Variants in GRM1 observed in about 807,000 individuals in gnomAD.
GRM1 encodes glutamate metabotropic receptor 1.
In GRM1, 33 loss-of-function variants were observed where a neutral mutation model predicts 90.9. The observed-to-expected ratio is 0.36, with a 90% CI of 0.28 to 0.49. The LOEUF (loss-of-function observed/expected upper bound fraction) is 0.49, where lower values mean the gene tolerates loss of function less well. Ranked by LOEUF, GRM1 falls within the 20% of genes least tolerant of loss-of-function variation. The probability of loss-of-function intolerance (pLI) is 0.99; values close to 1 mark genes in which losing one functional copy is unlikely to be tolerated. For missense variants in GRM1, 1,190 were observed against 1,534.3 expected, an observed-to-expected ratio of 0.78 and a Z score of 3.75; for synonymous variants, 700 against 613.2, an observed-to-expected ratio of 1.14 and a Z score of -2.09.
At chr6:146,186,813 T>C (rs1445107072) in intron 2 of GRM1, among the ~76,000 whole-genome samples, 1 of 152,258 alleles carries the variant, frequency 6.6e-6, no homozygotes, top group Admixed American at 6.5e-5. Flanking sequence ...GTTTATTTGC[T>C]GTTCGCACTA....
At chr6:146,408,270 A>G (rs1777426437) in intron 7 of GRM1, among the ~76,000 whole-genome samples, 1 of 152,158 alleles carries the variant, frequency 6.6e-6, no homozygotes. Flanking sequence ...ATACTCTCAC[A>G]TTGGGAGATT....
intron 1 of GRM1, among the ~76,000 whole-genome samples, chr6:146,143,836 G>A (rs1234327233): frequency 1.3e-5 from 2 of 152,174 alleles, no homozygotes; most frequent in African/African-American, 4.8e-5. Context: ...ATCACCAAAT[G>A]CTTATGCTAT....
At chr6:146,429,212 A>G (rs1472004804) in intron 7 of GRM1, among the ~76,000 whole-genome samples, 1 of 152,238 alleles carries the variant, frequency 6.6e-6, no homozygotes, top group East Asian at 1.9e-4. Flanking sequence ...TCACAATGCC[A>G]TTTAAGATGT....
chr6:146,408,279 T>A (rs1048684886), intron 7 of GRM1, among the ~76,000 whole-genome samples: 1 of 152,152 alleles, frequency 6.6e-6, no homozygotes, highest in Non-Finnish European at 1.5e-5. Flanking sequence ...CATTGGGAGA[T>A]TTTAACATAT....
intron 1 of GRM1, among the ~76,000 whole-genome samples, chr6:146,048,292 C>T (rs988479519): frequency 1.3e-5 from 2 of 151,866 alleles, no homozygotes; most frequent in African/African-American, 4.8e-5. Context: ...TCATGTTTCT[C>T]TAGGAAGGAC....
intron 2 of GRM1, among the ~76,000 whole-genome samples, chr6:146,167,453 T>C (rs945353198): frequency 2.0e-5 from 3 of 152,160 alleles, no homozygotes; most frequent in Non-Finnish European, 4.4e-5. Context: ...TGTCAATTAC[T>C]GTATAAGAAA....
At chr6:146,112,866 G>T (rs938886798) in intron 1 of GRM1, among the ~76,000 whole-genome samples, 1 of 152,066 alleles carries the variant, frequency 6.6e-6, no homozygotes, top group Admixed American at 6.6e-5. Context: ...ATTAATAGGT[G>T]CACTAGCTTG....
At chr6:146,377,574 G>A (rs1776150924) in intron 5 of GRM1, among the ~76,000 whole-genome samples, 1 of 152,138 alleles carries the variant, frequency 6.6e-6, no homozygotes, top group African/African-American at 2.4e-5. Context: ...ATAAAAGTTT[G>A]GAAGATTTGC....
At chr6:146,251,875 C>G (rs1045121895) in intron 2 of GRM1, among the ~76,000 whole-genome samples, 2 of 152,160 alleles carry the variant, frequency 1.3e-5, no homozygotes, top group African/African-American at 4.8e-5. Context: ...TACCAGGATG[C>G]CTTTGACATT....
At chr6:146,184,317 A>C (rs1778647534) in intron 2 of GRM1, among the ~76,000 whole-genome samples, 1 of 152,118 alleles carries the variant, frequency 6.6e-6, no homozygotes, top group Non-Finnish European at 1.5e-5. Flanking sequence ...CAACTTCCCA[A>C]ACATGTTTAT....
intron 3 of GRM1, among the ~76,000 whole-genome samples, chr6:146,307,548 A>G (rs1320764588): frequency 6.6e-6 from 1 of 152,198 alleles, no homozygotes; most frequent in Admixed American, 6.5e-5. Context: ...AGAACAATAA[A>G]CTTTCACTTC....
upstream of GRM1, among the ~76,000 whole-genome samples, chr6:146,028,427 A>C (rs556487394): frequency 3.9e-5 from 6 of 152,114 alleles, no homozygotes; most frequent in East Asian, 9.8e-4. Context: ...GGCAGGGCTC[A>C]GGCTGCCGCG....
At chr6:146,283,139 G>T (rs774995936) in intron 2 of GRM1, among the ~76,000 whole-genome samples, 1 of 152,206 alleles carries the variant, frequency 6.6e-6, no homozygotes, top group Non-Finnish European at 1.5e-5. Context: ...TGAGCCCAAT[G>T]CATAGCAAGT....
At chr6:146,382,579 A>G (rs1220142003) in intron 5 of GRM1, among the ~76,000 whole-genome samples, 1 of 152,140 alleles carries the variant, frequency 6.6e-6, no homozygotes, top group Non-Finnish European at 1.5e-5. Flanking sequence ...AATAGAAGGT[A>G]ATATGCATTT....
At chr6:146,107,002 A>G (rs1295063670) in intron 1 of GRM1, among the ~76,000 whole-genome samples, 1 of 152,202 alleles carries the variant, frequency 6.6e-6, no homozygotes, top group Non-Finnish European at 1.5e-5. Context: ...GTAGCATTTG[A>G]CAATAGGATT....
intron 2 of GRM1, among the ~76,000 whole-genome samples, chr6:146,189,976 A>G (rs1778881626): frequency 6.6e-6 from 1 of 152,186 alleles, no homozygotes; most frequent in African/African-American, 2.4e-5. Context: ...TGCTTTGGCA[A>G]CTCAAAGATG....
chr6:146,401,291 T>C (rs1040244981), intron 7 of GRM1, among the ~76,000 whole-genome samples: 20 of 152,160 alleles, frequency 1.3e-4, no homozygotes, highest in African/African-American at 4.6e-4. Context: ...TTATAGGATG[T>C]TGATCATAAA....
At chr6:146,174,953 A>G (rs1778281853) in intron 2 of GRM1, among the ~76,000 whole-genome samples, 1 of 152,192 alleles carries the variant, frequency 6.6e-6, no homozygotes, top group Non-Finnish European at 1.5e-5. Context: ...GGGCCAGCCC[A>G]GGTGAGATCT....
At chr6:146,365,778 A>G (rs913085611) in intron 5 of GRM1, among the ~76,000 whole-genome samples, 2 of 152,054 alleles carry the variant, frequency 1.3e-5, no homozygotes, top group Admixed American at 1.3e-4. Flanking sequence ...TGACCACCAT[A>G]TGCAAAATGG....
Sources: gnomAD v4.1 joint callset for allele counts (sites outside exome capture counted in the v4.1 genomes callset) on GRCh38, gnomAD v4.1.1 for gene constraint, MANE v1.5 for transcripts, NCBI Gene and HGNC (gene_info 2026-07-23, HGNC 2026-07-21) for gene names.